The following FAM124B variants were observed in gnomAD, a reference collection of about 807,000 sequenced individuals.
FAM124B encodes family with sequence similarity 124 member B, also known as protein FAM124B.
Under a neutral mutation model 19.7 loss-of-function variants are expected in FAM124B, and 18 were observed. The ratio of observed to expected loss-of-function variants is 0.92; its 90% CI spans 0.63 to 1.36. FAM124B has a LOEUF of 1.36. Among genes scored for constraint, FAM124B ranks in the 40% most tolerant of loss-of-function variants. The pLI, the probability that FAM124B is intolerant of heterozygous loss-of-function variation, is 0.00. For synonymous variants in FAM124B, 223 were observed against 225.2 expected (o/e 0.99, Z 0.09); for missense variants, 540 against 553.3 (o/e 0.98, Z 0.24).
In FAM124B at chr2:224,380,084, T is replaced by C; in HGVS notation, c.857A>G (p.Gln286Arg). The change falls in exon 2 of 2, where the codon CAG becomes CGG. Residue 286 changes from glutamine to arginine, a missense_variant. By Grantham distance (43) the Gln-to-Arg change is conservative. Coordinates refer to ENST00000409685, the MANE Select transcript of FAM124B (RefSeq NM_001122779.2). Reference sequence around the variant, plus strand: ...AGAATGCCCCTGGGACCTCTTGCCCTGGTTCCTCTGGCTCCTGGGTTCTGA... The same window carrying C: ...AGAATGCCCCTGGGACCTCTTGCCCCGGTTCCTCTGGCTCCTGGGTTCTGA... Reference protein sequence around the residue: ...RTSEPRSQRNQGKRSQGHSLE... With the variant: ...RTSEPRSQRNRGKRSQGHSLE... 6.4e-7 allele frequency: 1 copy of C among 1,551,730 alleles called. No individual in the cohort carries two copies.
rs886959439 is a variant in FAM124B, at chr2:224,401,061, G to A, written c.708C>T (p.Tyr236=). The A allele has an allele frequency of 1.2e-6, 2 of 1,606,528 alleles. No homozygotes were observed. Among genetic ancestry groups the A allele is most frequent in the Admixed American group, 1.7e-5 (1 of 59,324 alleles). Residue 236 remains tyrosine, a synonymous_variant, in exon 1 of 2, where the codon TAC becomes TAT. Transcript: ENST00000409685. ...ISSTRWQTQD[Y]DGNKILLQVQ... is the part of the protein sequence containing the mutation. ...CCTGAAGCAGAATCTTGTTGCCATC[G>A]TAGTCCTGAGTCTGCCACCTGGTGC...
intron 1 of FAM124B, among the ~76,000 whole-genome samples, chr2:224,394,258 C>T (rs181426442): frequency 3.3e-5 from 5 of 152,220 alleles, no homozygotes; most frequent in African/African-American, 1.2e-4. Context: ...GCTTCAGCCA[C>T]CAACTCCACC....
chr2:224,384,306 A>C (rs1003942848), intron 1 of FAM124B, among the ~76,000 whole-genome samples: 1 of 152,102 alleles, frequency 6.6e-6, no homozygotes, highest in South Asian at 2.1e-4. Flanking sequence ...CCCAATCCCC[A>C]GCTTCTCCCT....
At chr2:224,389,582 C>T (rs1466189927) in intron 1 of FAM124B, among the ~76,000 whole-genome samples, 1 of 152,002 alleles carries the variant, frequency 6.6e-6, no homozygotes, top group Non-Finnish European at 1.5e-5. Context: ...TATTTCAAAA[C>T]CTGGGCAACT....
At chr2:224,387,183 C>T (rs1456712246) in intron 1 of FAM124B, among the ~76,000 whole-genome samples, 1 of 152,178 alleles carries the variant, frequency 6.6e-6, no homozygotes, top group Non-Finnish European at 1.5e-5. Context: ...GAATTCTGAT[C>T]ATTTTGAGAT....
intron 1 of FAM124B, among the ~76,000 whole-genome samples, chr2:224,383,112 C>T (rs558585506): frequency 6.6e-6 from 1 of 152,304 alleles, no homozygotes; most frequent in South Asian, 2.1e-4. Context: ...CCAAACTTTG[C>T]TGCACAAGGG....
intron 1 of FAM124B, among the ~76,000 whole-genome samples, chr2:224,381,053 T>C (rs540445838): frequency 7.9e-5 from 12 of 152,330 alleles, no homozygotes; most frequent in African/African-American, 2.2e-4. Context: ...AAGGCAATTT[T>C]TTCCATTTTG....
At position 224,380,163 on chromosome 2, in the gene FAM124B, C is replaced by G; in HGVS notation, c.778G>C (p.Ala260Pro). ...CTGGAGCCCAGGGGAAGCATGCCAG[C>G]TCCCAAGATGCCATTCTTAACACCA... ...ELGVKNGILG[A>P]GMLPLGSRLT... is the part of the protein sequence containing the mutation. Residue 260 changes from alanine to proline, a missense_variant, in exon 2 of 2, where the codon GCT becomes CCT. By Grantham distance (27) the Ala-to-Pro change is conservative. Transcript: ENST00000409685. 3 of 1,551,298 alleles carry G rather than the reference C, an allele frequency of 1.9e-6. No individual in the cohort carries two copies. The East Asian group carries it at 7.3e-5, about 38-fold the overall frequency.
intron 1 of FAM124B, among the ~76,000 whole-genome samples, chr2:224,382,369 T>C (rs995047351): frequency 6.6e-6 from 1 of 151,970 alleles, no homozygotes; most frequent in Non-Finnish European, 1.5e-5. Context: ...CAGGCCACAG[T>C]TGACCAAGCC....
chr2:224,381,862 T>C (rs1689724049), intron 1 of FAM124B, among the ~76,000 whole-genome samples: 1 of 152,050 alleles, frequency 6.6e-6, no homozygotes, highest in African/African-American at 2.4e-5. Context: ...TAAGGTCTAT[T>C]TCAAGGGAGA....
rs1689673207 is a variant in FAM124B at position 224,379,319 on chromosome 2, T to A, written c.*254A>T. 2.3e-6 allele frequency: 1 copy of A among 443,090 alleles called. No homozygotes were observed. Among genetic ancestry groups the A allele is most frequent in the Middle Eastern group, 6.3e-4 (1 of 1,590 alleles). The allele number at this position is 443,090 out of a possible 1,614,324, so 27.4% of individuals were successfully genotyped here. Reference sequence around the variant, plus strand: ...CAACACATCCAGCTGGGTTAGTGCATCTCCACGGAACAAAAGCATTCGGTT... The same window carrying A: ...CAACACATCCAGCTGGGTTAGTGCAACTCCACGGAACAAAAGCATTCGGTT... On this transcript the variant is annotated 3_prime_UTR_variant, in exon 2 of 2. Transcript: ENST00000409685.
In FAM124B at chr2:224,379,352, C is replaced by T. The variant is rs1689674059; in HGVS notation, c.*221G>A. ...GAACAAAAGCATTCGGTTTTTTTCC[C>T]TGTGTGTTGGCTGTGTTCTCTTATG... On this transcript the variant is annotated 3_prime_UTR_variant, in exon 2 of 2. Coordinates refer to ENST00000409685, the MANE Select transcript of FAM124B (RefSeq NM_001122779.2). The T allele has an allele frequency of 3.3e-6, 2 of 610,588 alleles. No homozygotes were observed. Among genetic ancestry groups the T allele is most frequent in the Non-Finnish European group, 5.2e-6 (2 of 387,548 alleles). The allele number at this position is 610,588 out of a possible 1,614,324, so 37.8% of individuals were successfully genotyped here. A position where few individuals can be genotyped will look rare whatever the true frequency, so the allele number is the denominator to read the frequency against.
intron 1 of FAM124B, among the ~76,000 whole-genome samples, chr2:224,397,273 C>T (rs542207615): frequency 2.1e-4 from 32 of 152,176 alleles, no homozygotes; most frequent in Non-Finnish European, 4.1e-4. Context: ...CACAAGCCCT[C>T]TCTTTGCCAC....
At chr2:224,387,841 GAGA>G (rs754723188) in intron 1 of FAM124B, among the ~76,000 whole-genome samples, 45 of 152,276 alleles carry the variant, frequency 3.0e-4, no homozygotes, top group Non-Finnish European at 6.2e-4. Context: ...AGAAATGCTA[GAGA>G]AGAAGAACAT....
At chr2:224,393,586 G>A (rs1054835949) in intron 1 of FAM124B, among the ~76,000 whole-genome samples, 5 of 152,126 alleles carry the variant, frequency 3.3e-5, no homozygotes, top group Admixed American at 1.3e-4. Flanking sequence ...AAGAAGACCT[G>A]GAAGGTGGAC....
At chr2:224,385,009 T>A (rs1201980324) in intron 1 of FAM124B, among the ~76,000 whole-genome samples, 1 of 152,160 alleles carries the variant, frequency 6.6e-6, no homozygotes, top group Non-Finnish European at 1.5e-5. Flanking sequence ...ACCCTCTCTT[T>A]CCCTCCAGGT....
At chr2:224,387,963 C>T (rs1017639248) in intron 1 of FAM124B, among the ~76,000 whole-genome samples, 1 of 152,198 alleles carries the variant, frequency 6.6e-6, no homozygotes, top group Admixed American at 6.5e-5. Context: ...GAAACACATG[C>T]TTGCTTATGC....
intron 1 of FAM124B, among the ~76,000 whole-genome samples, chr2:224,380,765 A>C (rs1021200542): frequency 3.9e-5 from 6 of 152,168 alleles, no homozygotes; most frequent in African/African-American, 1.4e-4. Flanking sequence ...ATATTCTTTA[A>C]ATTCTTGGGG....
At chr2:224,392,802 A>C (rs1298426436) in intron 1 of FAM124B, among the ~76,000 whole-genome samples, 7 of 146,166 alleles carry the variant, frequency 4.8e-5, no homozygotes, top group Non-Finnish European at 9.0e-5. Context: ...TTTGTCACCA[A>C]CGAGGCTATA....
Sources: allele counts gnomAD v4.1 joint callset (sites outside exome capture counted in the v4.1 genomes callset), GRCh38; gene constraint gnomAD v4.1.1; transcripts MANE v1.5; gene names NCBI Gene and HGNC (gene_info 2026-07-23, HGNC 2026-07-21).